The following LMAN1 variants were observed in gnomAD, a reference collection of about 807,000 sequenced individuals.
The protein encoded by LMAN1 is lectin, mannose binding 1, also known as protein ERGIC-53.
A neutral mutation model predicts 67.8 loss-of-function variants in LMAN1; 32 were observed. That is an observed-to-expected ratio of 0.47 (90% CI 0.36 to 0.63). LMAN1 has a LOEUF of 0.63. LMAN1 is among the 30% of genes least tolerant of loss of function. LMAN1 has a pLI of 0.00. For synonymous variants in LMAN1, 235 were observed against 219.3 expected, an observed-to-expected ratio of 1.07 and a Z score of -0.63; for missense variants, 632 against 628.2, an observed-to-expected ratio of 1.01 and a Z score of -0.06.
At chr18:59,347,867 C>G (rs928961453) in intron 6 of LMAN1, among the ~76,000 whole-genome samples, 2 of 152,128 alleles carry the variant, frequency 1.3e-5, no homozygotes, top group African/African-American at 4.8e-5. Flanking sequence ...AAGAAATGAA[C>G]AAACAAATGA....
chr18:59,345,977 T>C lies in LMAN1; in HGVS notation c.897A>G (p.Glu299=). Residue 299 remains glutamate (E), a synonymous_variant, in exon 8 of 13, where the codon GAA becomes GAG. Coordinates refer to ENST00000251047, the MANE Select transcript of LMAN1 (RefSeq NM_005570.4). ...YQEEFEHFQQ[E]LDKKKEEFQK... ...GGAATTCCTCTTTTTTTTTATCCAATTCTTGTTGAAAGTGCTCAAATTCCT... is the reference window on the plus strand; with the variant it reads ...GGAATTCCTCTTTTTTTTTATCCAACTCTTGTTGAAAGTGCTCAAATTCCT... The C allele has an allele frequency of 6.2e-7, 1 of 1,613,972 alleles. No homozygotes were observed. Among genetic ancestry groups the C allele is most frequent in the Non-Finnish European group, 8.5e-7 (1 of 1,179,954 alleles).
rs74255472 is a variant in LMAN1, at chr18:59,340,584, G to A, written c.956-1631C>T. Among the ~76,000 whole-genome samples the A allele has an allele frequency of 1.2e-4, 18 of 152,162 alleles. No individual in the cohort carries two copies. The East Asian group carries it at 3.3e-3, about 28-fold the overall frequency. On this transcript the variant is annotated intron_variant, in intron 8 of 12. Coordinates refer to ENST00000251047, the MANE Select transcript of LMAN1 (RefSeq NM_005570.4). The stretch of plus-strand genomic sequence containing the variant: ...AAGAAATAAAGCCTTTCCCAGACAA[G>A]CAAATGCTGGGGAAATCCGTCATTA...
intron 6 of LMAN1, among the ~76,000 whole-genome samples, chr18:59,348,611 C>T (rs1908473265): frequency 6.6e-6 from 1 of 152,008 alleles, no homozygotes; most frequent in South Asian, 2.1e-4. Context: ...AATTTATCAC[C>T]TTATGTGGAA....
chr18:59,334,613 T>C (rs1162801573), intron 10 of LMAN1, among the ~76,000 whole-genome samples: 6 of 152,124 alleles, frequency 3.9e-5, no homozygotes, highest in Non-Finnish European at 5.9e-5. Flanking sequence ...GATAACTAAA[T>C]GGAAGCAGAG....
intron 8 of LMAN1, among the ~76,000 whole-genome samples, chr18:59,345,368 C>T (rs1908376102): frequency 6.6e-6 from 1 of 152,092 alleles, no homozygotes; most frequent in African/African-American, 2.4e-5. Flanking sequence ...TTGGGTTAGA[C>T]TAGTATTTTA....
rs774174290 is a variant in LMAN1, at chr18:59,331,143, GAAAC to G, written c.1497-18_1497-15del. 5.8e-5 allele frequency: 93 copies of G among 1,608,490 alleles called. No individual in the cohort carries two copies. The highest frequency in any genetic ancestry group is 4.9e-4 in the Middle Eastern group (3 of 6,066). The stretch of plus-strand genomic sequence containing the variant: ...TCTTGCTGAGACCTAATGAAAAAAA[GAAAC>G]AAACACTTAAAGAAGTTCTATACGC... On this transcript the variant is annotated splice_polypyrimidine_tract_variant and intron_variant, in intron 12 of 12. Coordinates refer to ENST00000251047, the MANE Select transcript of LMAN1 (RefSeq NM_005570.4).
intron 5 of LMAN1, among the ~76,000 whole-genome samples, chr18:59,351,122 T>C (rs1009623889): frequency 6.6e-6 from 1 of 152,174 alleles, no homozygotes; most frequent in African/African-American, 2.4e-5. Flanking sequence ...TAAATACTTC[T>C]TGAGCACTTC....
rs1487141456 is a variant in LMAN1, at chr18:59,359,205, G to C, written c.40C>G (p.Arg14Gly). The C allele has an allele frequency of 3.7e-6, 6 of 1,613,864 alleles. No individual in the cohort carries two copies. The highest frequency in any genetic ancestry group is 5.1e-6 in the Non-Finnish European group (6 of 1,179,904). Reference sequence around the variant, plus strand: ...AGCAGCAAGGCGCAGAACAGCGGCCGAACTCTGGCCCGGAGACCCCTTTGC... The same window carrying C: ...AGCAGCAAGGCGCAGAACAGCGGCCCAACTCTGGCCCGGAGACCCCTTTGC... ...SRQRGLRARV[R>G]PLFCALLLSL... The change falls in exon 1 of 13, where the codon CGG becomes GGG. Residue 14 changes from arginine to glycine, a missense_variant. Transcript: ENST00000251047.
chr18:59,356,484 T>C (rs1349161680), intron 1 of LMAN1, among the ~76,000 whole-genome samples: 2 of 152,228 alleles, frequency 1.3e-5, no homozygotes, highest in African/African-American at 4.8e-5. Flanking sequence ...TTACTAAAGG[T>C]CTATCAGACT....
intron 12 of LMAN1, 59 bp downstream of exon 12, chr18:59,331,359 A>G: frequency 6.7e-7 from 1 of 1,498,934 alleles, no homozygotes; most frequent in Non-Finnish European, 9.3e-7. Flanking sequence ...ACTTAGTTGA[A>G]TATTTCTAAT....
intron 10 of LMAN1, among the ~76,000 whole-genome samples, chr18:59,337,630 C>T (rs999145504): frequency 2.0e-5 from 3 of 152,120 alleles, no homozygotes; most frequent in Non-Finnish European, 2.9e-5. Context: ...CAGTCTATTT[C>T]TAAAAGGATT....
At position 59,356,308 on chromosome 18, in the gene LMAN1, T is replaced by C. The variant is rs1301560197; in HGVS notation, c.215-650A>G. Among the ~76,000 whole-genome samples the C allele has an allele frequency of 2.0e-5, 3 of 152,288 alleles. No homozygotes were observed. The East Asian group carries it at 5.8e-4, about 29-fold the overall frequency. On this transcript the variant is annotated intron_variant, in intron 1 of 12. Coordinates refer to ENST00000251047, the MANE Select transcript of LMAN1 (RefSeq NM_005570.4). The stretch of plus-strand genomic sequence containing the variant: ...GTGATCCCTAAAACGGTGGTTTACA[T>C]CTCCAGGCTAGGTTCAAGCCCCAGC...
chr18:59,335,405 C>T (rs1908119132), intron 10 of LMAN1, among the ~76,000 whole-genome samples: 1 of 150,280 alleles, frequency 6.7e-6, no homozygotes, highest in South Asian at 2.1e-4. Flanking sequence ...TGTACTCCAG[C>T]CTAGGCAACA....
At chr18:59,355,788 T>C (rs1908648728) in intron 1 of LMAN1, 130 bp from the exon 2 acceptor site, 3 of 1,033,870 alleles carry the variant, frequency 2.9e-6, no homozygotes, top group Non-Finnish European at 4.3e-6. Context: ...AAAAATTTCA[T>C]GTTGACAGTT....
chr18:59,331,565 C>T, intron 11 of LMAN1, 26 bp from the exon 12 acceptor site: 1 of 1,611,030 alleles, frequency 6.2e-7, no homozygotes, highest in Non-Finnish European at 8.5e-7. Flanking sequence ...CTTTCTATTA[C>T]AGTTAGTCAA....
At chr18:59,356,568 G>A (rs965741130) in intron 1 of LMAN1, among the ~76,000 whole-genome samples, 8 of 152,168 alleles carry the variant, frequency 5.3e-5, no homozygotes, top group East Asian at 3.8e-4. Flanking sequence ...AACTGTAACT[G>A]TAATCTCACT....
At chr18:59,352,098 G>C (rs1908555534) in intron 5 of LMAN1, among the ~76,000 whole-genome samples, 1 of 152,102 alleles carries the variant, frequency 6.6e-6, no homozygotes, top group Non-Finnish European at 1.5e-5. Context: ...AAAAAGCAAA[G>C]TTTACAATGC....
chr18:59,346,013 T>C lies in LMAN1; in HGVS notation c.861A>G (p.Glu287=). The part of the protein sequence containing the change: ...PDKEISEKEK[E]KYQEEFEHFQ... ...AGTGCTCAAATTCCTCCTGATACTTTTCTTTTTCCTTTTCCGAAATTTCTT... is the reference window on the plus strand; with the variant it reads ...AGTGCTCAAATTCCTCCTGATACTTCTCTTTTTCCTTTTCCGAAATTTCTT... The change falls in exon 8 of 13, where the codon GAA becomes GAG. Residue 287 remains glutamate, a synonymous_variant. Transcript: ENST00000251047. 1.2e-6 allele frequency: 2 copies of C among 1,613,238 alleles called. No homozygotes were observed. The highest frequency in any genetic ancestry group is 1.7e-6 in the Non-Finnish European group (2 of 1,179,818).
chr18:59,336,624 C>G (rs1029096902), intron 10 of LMAN1, among the ~76,000 whole-genome samples: 3 of 152,188 alleles, frequency 2.0e-5, no homozygotes, highest in Non-Finnish European at 4.4e-5. Flanking sequence ...TGGCTCACGC[C>G]TGTAATCCCA....
Sources: allele counts gnomAD v4.1 joint callset (sites outside exome capture counted in the v4.1 genomes callset), GRCh38; gene constraint gnomAD v4.1.1; transcripts MANE v1.5; gene names NCBI Gene and HGNC (gene_info 2026-07-23, HGNC 2026-07-21).